Variants in MSTO1 observed in about 807,000 individuals in gnomAD.
MSTO1 encodes misato mitochondrial distribution and morphology regulator 1.
Under a neutral mutation model 55.7 loss-of-function variants are expected in MSTO1, and 24 were observed. That is an observed-to-expected ratio of 0.43 (90% CI 0.31 to 0.61). The LOEUF is 0.61. Among genes scored for constraint, MSTO1 ranks in the 20% least tolerant of loss-of-function variants. The pLI is 0.09. For missense variants in MSTO1, 363 were observed against 625.7 expected, an observed-to-expected ratio of 0.58 and a Z score of 4.48; for synonymous variants, 162 against 252.8, an observed-to-expected ratio of 0.64 and a Z score of 3.41.
chr1:155,600,556 C>CTTTTTTTTTTTTTTTT, the MSTO1 span, among the ~76,000 whole-genome samples: 25 of 149,886 alleles, frequency 1.7e-4, no homozygotes, highest in African/African-American at 6.3e-4. Flanking sequence ...TTTTTTCTTT[C>CTTTTTTTTTTTTTTTT]TTTTTTTTTG....
At chr1:155,608,964 C>T (rs1429246249), upstream of MSTO1, among the ~76,000 whole-genome samples, 1 of 146,842 alleles carries the variant, frequency 6.8e-6, no homozygotes, top group Non-Finnish European at 1.5e-5. Context: ...GCTGGGAGTA[C>T]AAGGGCCCGC....
At chr1:155,586,961 T>C in the MSTO1 span, among the ~76,000 whole-genome samples, 1 of 152,184 alleles carries the variant, frequency 6.6e-6, no homozygotes, top group Admixed American at 6.5e-5. Flanking sequence ...TTGGGCAGGC[T>C]GGTCTCAAAC....
At chr1:155,613,382 T>C (rs751614967) in intron 11 of MSTO1, 80 bp from the exon 12 acceptor site, 1 of 1,597,566 alleles carries the variant, frequency 6.3e-7, no homozygotes, top group African/African-American at 1.3e-5. Context: ...TTGATCCAGC[T>C]GATGGCCTGA....
chr1:155,609,008 T>G (rs947922636), upstream of MSTO1, among the ~76,000 whole-genome samples: 1 of 148,458 alleles, frequency 6.7e-6, no homozygotes, highest in East Asian at 2.0e-4. Context: ...GTATTTTTAG[T>G]AGAGACCGGG....
chr1:155,590,561 G>C, the MSTO1 span: 2 of 1,035,180 alleles, frequency 1.9e-6, no homozygotes, highest in African/African-American at 1.6e-5. Context: ...GCCACTTCTG[G>C]ATGGCTCTAG....
At chr1:155,568,183 G>A in the MSTO1 span, among the ~76,000 whole-genome samples, 5 of 150,610 alleles carry the variant, frequency 3.3e-5, no homozygotes, top group African/African-American at 9.8e-5. Flanking sequence ...GGGTTCAAGC[G>A]GTTCTCCTGC....
upstream of MSTO1, among the ~76,000 whole-genome samples, chr1:155,609,293 TGGAGTGC>T: frequency 8.1e-6 from 1 of 123,372 alleles, no homozygotes; most frequent in Non-Finnish European, 1.6e-5. Flanking sequence ...TCGCCCAGGA[TGGAGTGC>T]ATTGGCGTGA....
At chr1:155,606,884 G>T (rs1319817881), upstream of MSTO1, among the ~76,000 whole-genome samples, 1 of 152,002 alleles carries the variant, frequency 6.6e-6, no homozygotes, top group Non-Finnish European at 1.5e-5. Context: ...GCACAGGCTG[G>T]AGTGCAGTGG....
At chr1:155,563,494 G>C in the MSTO1 span, 3 of 456,398 alleles carry the variant, frequency 6.6e-6, no homozygotes, top group South Asian at 4.6e-5. Flanking sequence ...TCGGCGTGGT[G>C]GTGTGCTTTT....
the MSTO1 span, among the ~76,000 whole-genome samples, chr1:155,598,441 T>C: frequency 2.6e-5 from 4 of 151,846 alleles, no homozygotes; most frequent in Admixed American, 6.6e-5. Context: ...ATATAAACAC[T>C]GGCCAGGTGC....
At chr1:155,575,100 C>T in the MSTO1 span, among the ~76,000 whole-genome samples, 5 of 151,664 alleles carry the variant, frequency 3.3e-5, no homozygotes, top group Non-Finnish European at 7.4e-5. Flanking sequence ...TTCCTGACCT[C>T]GGGTGATTCA....
At chr1:155,609,511 G>C (rs989119884), upstream of MSTO1, among the ~76,000 whole-genome samples, 9 of 151,964 alleles carry the variant, frequency 5.9e-5, no homozygotes, top group African/African-American at 2.2e-4. Flanking sequence ...GCCTCCCAAA[G>C]TGCTGGGATT....
chr1:155,587,373 G>A, the MSTO1 span, among the ~76,000 whole-genome samples: 3 of 150,056 alleles, frequency 2.0e-5, no homozygotes, highest in Non-Finnish European at 4.4e-5. Context: ...CCGGGAGGTG[G>A]AGGTTGCGGT....
chr1:155,577,866 T>C, the MSTO1 span, among the ~76,000 whole-genome samples: 1 of 151,868 alleles, frequency 6.6e-6, no homozygotes, highest in Non-Finnish European at 1.5e-5. Context: ...CCACCTCAGC[T>C]CCCCAACTAG....
the MSTO1 span, among the ~76,000 whole-genome samples, chr1:155,574,512 T>C: frequency 6.6e-6 from 1 of 152,076 alleles, no homozygotes; most frequent in African/African-American, 2.4e-5. Flanking sequence ...GAATGAAGAG[T>C]GTACGAAAGC....
the MSTO1 span, among the ~76,000 whole-genome samples, chr1:155,575,723 T>C: frequency 1.5e-3 from 225 of 152,140 alleles, 3 homozygotes; most frequent in Non-Finnish European, 2.3e-3. Flanking sequence ...GGATTGCAGG[T>C]GTGAGCCACT....
At chr1:155,578,336 C>CTTTTT in the MSTO1 span, among the ~76,000 whole-genome samples, 54 of 44,292 alleles carry the variant, frequency 1.2e-3, 18 homozygotes, top group Admixed American at 2.8e-3. Context: ...AACTACCTTT[C>CTTTTT]TTTTTTTTTT....
chr1:155,589,377 T>A, the MSTO1 span, among the ~76,000 whole-genome samples: 1 of 151,934 alleles, frequency 6.6e-6, no homozygotes, highest in Non-Finnish European at 1.5e-5. Flanking sequence ...GAGAAAGTTT[T>A]GGTGTTTTTT....
the MSTO1 span, among the ~76,000 whole-genome samples, chr1:155,589,958 T>TC: frequency 6.7e-6 from 1 of 149,192 alleles, no homozygotes; most frequent in Non-Finnish European, 1.5e-5. Flanking sequence ...TTTTTTTTTT[T>TC]CACTAACAAA....
Sources: allele counts gnomAD v4.1 joint callset (sites outside exome capture counted in the v4.1 genomes callset), GRCh38; gene constraint gnomAD v4.1.1; transcripts MANE v1.5; gene names NCBI Gene and HGNC (gene_info 2026-07-23, HGNC 2026-07-21).